PRRC2B: variants seen among roughly 807,000 people sequenced by gnomAD.
PRRC2B encodes the protein protein PRRC2B.
Under a neutral mutation model 242.3 loss-of-function variants are expected in PRRC2B, and 68 were observed. The observed-to-expected ratio is 0.28, with a 90% CI of 0.23 to 0.34. The LOEUF (loss-of-function observed/expected upper bound fraction) is 0.34, where lower values mean the gene tolerates loss of function less well. Among genes scored for constraint, PRRC2B ranks in the 10% least tolerant of loss-of-function variants. The pLI is 1.00. For missense variants in PRRC2B, 2,835 were observed against 2,954.8 expected (o/e 0.96, Z 0.94); for synonymous variants, 1,228 against 1,173.6 (o/e 1.05, Z -0.95).
At chr9:131,460,567 G>A (rs953922980) in intron 11 of PRRC2B, among the ~76,000 whole-genome samples, 1 of 152,192 alleles carries the variant, frequency 6.6e-6, no homozygotes, top group African/African-American at 2.4e-5. Context: ...TCATGCTGTA[G>A]AGTTACTCTT....
At chr9:131,420,485 C>CTCTCTTTCTCTCT (rs1837792614) in intron 1 of PRRC2B, among the ~76,000 whole-genome samples, 1 of 15,750 alleles carries the variant, frequency 6.3e-5, no homozygotes, top group Non-Finnish European at 1.7e-4. Flanking sequence ...TTCTTTCTTT[C>CTCTCTTTCTCTCT]TTTCTTTCTT....
In PRRC2B at chr9:131,475,426, C is replaced by T. The variant is rs1204335091; in HGVS notation, c.3297C>T (p.Ile1099=). Residue 1099 remains isoleucine (I), a synonymous_variant, in exon 16 of 32, where the codon ATC becomes ATT. Coordinates refer to ENST00000683519, the MANE Select transcript of PRRC2B (RefSeq NM_013318.4). ...CGGGVLGARS[I]YCSSQRSGRG... ...GGGGGGTCCTGGGGGCCCGCAGCAT[C>T]TACTGCAGCAGTCAGCGCAGCGGCC... is the stretch of plus-strand genomic sequence containing the variant. 2 of 1,579,810 alleles carry T rather than the reference C, an allele frequency of 1.3e-6. No individual in the cohort carries two copies. The highest frequency in any genetic ancestry group is 1.7e-6 in the Non-Finnish European group (2 of 1,163,888).
At chr9:131,430,538 TAGATATCTATA>T (rs1838118083) in intron 2 of PRRC2B, among the ~76,000 whole-genome samples, 42 of 144,216 alleles carry the variant, frequency 2.9e-4, no homozygotes, top group Admixed American at 8.7e-4. Context: ...TATCTATCTA[TAGATATCTATA>T]GGTGTGTGTG....
intron 2 of PRRC2B, among the ~76,000 whole-genome samples, chr9:131,431,371 C>A (rs544503766): frequency 6.6e-6 from 1 of 151,780 alleles, no homozygotes; most frequent in Non-Finnish European, 1.5e-5. Context: ...ACCTCGTGAT[C>A]GGCTTGCCTC....
At chr9:131,483,913 G>T (rs978546463) in intron 23 of PRRC2B, among the ~76,000 whole-genome samples, 6 of 152,306 alleles carry the variant, frequency 3.9e-5, no homozygotes, top group African/African-American at 1.4e-4. Context: ...TGAGGCTGTC[G>T]CAGTGACATC....
chr9:131,396,204 T>G (rs1173556636), intron 1 of PRRC2B, among the ~76,000 whole-genome samples: 1 of 152,162 alleles, frequency 6.6e-6, no homozygotes, highest in African/African-American at 2.4e-5. Context: ...TGTATGTGTT[T>G]GTTGATTATC....
intron 2 of PRRC2B, among the ~76,000 whole-genome samples, chr9:131,430,555 G>A (rs913866984): frequency 2.4e-5 from 2 of 83,936 alleles, no homozygotes; most frequent in Non-Finnish European, 4.7e-5. Flanking sequence ...CTATAGGTGT[G>A]TGTGTATGTG....
Position 131,421,973 on chromosome 9 carries a change from C to T in PRRC2B, c.-51-8121C>T, listed in dbSNP as rs557097063. The stretch of plus-strand genomic sequence containing the variant: ...TGCAGCCTGGTGGCGTCCAGTGCAG[C>T]CTGGGCTCCAAGCCTGGCCCTGCAC... On this transcript the variant is annotated intron_variant, in intron 1 of 31. Transcript: ENST00000683519. Among the ~76,000 whole-genome samples, 16 of 152,328 alleles carry T rather than the reference C, an allele frequency of 1.1e-4. No homozygotes were observed. In the South Asian group the frequency reaches 3.1e-3, roughly 30 times the overall value.
At chr9:131,450,563 C>G (rs1200827944) in intron 9 of PRRC2B, among the ~76,000 whole-genome samples, 1 of 150,634 alleles carries the variant, frequency 6.6e-6, no homozygotes, top group Non-Finnish European at 1.5e-5. Flanking sequence ...CTGCACCCCA[C>G]CTGACATCTT....
intron 1 of PRRC2B, among the ~76,000 whole-genome samples, chr9:131,397,902 G>A (rs1837113961): frequency 6.6e-6 from 1 of 152,076 alleles, no homozygotes; most frequent in South Asian, 2.1e-4. Context: ...TGTAATTTTG[G>A]TTTTAAATAA....
chr9:131,492,068 C>T, intron 29 of PRRC2B, 101 bp from the exon 30 acceptor site: 1 of 907,548 alleles, frequency 1.1e-6, no homozygotes, highest in Admixed American at 1.9e-5. Context: ...CTGGGAATTC[C>T]CATGGCCCTC....
Position 131,496,032 on chromosome 9 carries a change from C to A in PRRC2B, c.*158C>A. On this transcript the variant is annotated 3_prime_UTR_variant, in exon 32 of 32. Coordinates refer to ENST00000683519, the MANE Select transcript of PRRC2B (RefSeq NM_013318.4). Reference sequence around the variant, plus strand: ...TCTCCACTCCCGAAAGCTCCGTTGTCAACCAGCTTGCACCCGTGGATATAT... The same window carrying A: ...TCTCCACTCCCGAAAGCTCCGTTGTAAACCAGCTTGCACCCGTGGATATAT... 1 of 1,028,134 alleles carries A rather than the reference C, an allele frequency of 9.7e-7. No individual in the cohort carries two copies. The highest frequency in any genetic ancestry group is 1.4e-6 in the Non-Finnish European group (1 of 724,418). The allele number at this position is 1,028,134 out of a possible 1,614,324, so 63.7% of individuals were successfully genotyped here. A position where few individuals can be genotyped will look rare whatever the true frequency, so the allele number is the denominator to read the frequency against.
chr9:131,478,015 G>A, intron 17 of PRRC2B, 66 bp downstream of exon 17: 1 of 1,471,046 alleles, frequency 6.8e-7, no homozygotes, highest in African/African-American at 1.4e-5. Context: ...CAGTCCTCGG[G>A]CCTCCCGAGT....
intron 23 of PRRC2B, 103 bp downstream of exon 23, chr9:131,483,548 G>A (rs1588279197): frequency 6.9e-6 from 7 of 1,013,644 alleles, no homozygotes; most frequent in Non-Finnish European, 7.8e-6. Flanking sequence ...GGGCTGGCAC[G>A]TGACTCAGTT....
rs751063618 is a variant in PRRC2B, at chr9:131,444,378, C to T, written c.613+50C>T. ...CTCGATGGAGTAACAGAACTTCCTC[C>T]TCTCATCTCTCTGCACTCCTAAAAG... On this transcript the variant is annotated intron_variant, in intron 6 of 31. Coordinates refer to ENST00000683519, the MANE Select transcript of PRRC2B (RefSeq NM_013318.4). 1.9e-6 allele frequency: 3 copies of T among 1,575,794 alleles called. No individual in the cohort carries two copies. The African/African-American group carries it at 4.1e-5, about 21-fold the overall frequency.
chr9:131,447,555 TAAATC>T lies in PRRC2B; in HGVS notation c.978-103_978-99del, dbSNP rs201861021. On this transcript the variant is annotated intron_variant, in intron 8 of 31. Coordinates refer to ENST00000683519, the MANE Select transcript of PRRC2B (RefSeq NM_013318.4). ...TTTTAAAGGAACTGATAGAAATAAT[TAAATC>T]AAACATGAACCTTTGCAGTGTGGAA... 502 of 1,137,390 alleles carry T rather than the reference TAAATC, an allele frequency of 4.4e-4. 3 individuals are homozygous for T. The East Asian group carries it at 0.012, about 27-fold the overall frequency. The allele number at this position is 1,137,390 out of a possible 1,614,324, so 70.5% of individuals were successfully genotyped here.
intron 1 of PRRC2B, among the ~76,000 whole-genome samples, chr9:131,378,149 A>G (rs942088186): frequency 2.0e-5 from 3 of 151,916 alleles, no homozygotes; most frequent in Non-Finnish European, 4.4e-5. Flanking sequence ...TCTCTACTAA[A>G]AATTCAAAAA....
At chr9:131,400,306 T>TTTTTC (rs925405889) in intron 1 of PRRC2B, among the ~76,000 whole-genome samples, 1 of 151,480 alleles carries the variant, frequency 6.6e-6, no homozygotes, top group South Asian at 2.1e-4. Flanking sequence ...AGGCTGTTTG[T>TTTTTC]TTTTCTTTTC....
At chr9:131,478,642 G>GGGGGGGGGGGGGGA in intron 18 of PRRC2B, 23 bp downstream of exon 18, 1 of 482,040 alleles carries the variant, frequency 2.1e-6, no homozygotes, top group Non-Finnish European at 4.2e-6. Context: ...GGGTGGGGGG[G>GGGGGGGGGGGGGGA]CATGGGGCTG....
Sources: gnomAD v4.1 joint callset for allele counts (sites outside exome capture counted in the v4.1 genomes callset) on GRCh38, gnomAD v4.1.1 for gene constraint, MANE v1.5 for transcripts, NCBI Gene and HGNC (gene_info 2026-07-23, HGNC 2026-07-21) for gene names.